The following ACAD9 variants were observed in gnomAD, a reference collection of about 807,000 sequenced individuals.
ACAD9 encodes the protein acyl-CoA dehydrogenase family member 9.
ACAD9 carries 53 observed loss-of-function variants against 70.2 expected under a neutral mutation model. The observed-to-expected ratio is 0.75, with a 90% CI of 0.61 to 0.95. ACAD9 has a LOEUF of 0.95. ACAD9 is among the 40% of genes least tolerant of loss of function. ACAD9 has a pLI of 0.00. For synonymous variants in ACAD9, 313 were observed against 312.1 expected, an observed-to-expected ratio of 1.00 and a Z score of -0.03; for missense variants, 777 against 802.8, an observed-to-expected ratio of 0.97 and a Z score of 0.39.
chr3:128,897,512 C>T (rs1935600687), intron 5 of ACAD9, 120 bp from the exon 6 acceptor site: 1 of 841,614 alleles, frequency 1.2e-6, no homozygotes, highest in Non-Finnish European at 2.0e-6. Context: ...GTTATCTGAC[C>T]CTTCATTTTA....
chr3:128,881,324 C>G (rs148488995), intron 1 of ACAD9, among the ~76,000 whole-genome samples: 1 of 152,342 alleles, frequency 6.6e-6, no homozygotes, highest in East Asian at 1.9e-4. Flanking sequence ...ACCTGCCCTG[C>G]CCTGCCTTTA....
chr3:128,887,345 C>T (rs1273884337), intron 2 of ACAD9, among the ~76,000 whole-genome samples: 1 of 152,114 alleles, frequency 6.6e-6, no homozygotes, highest in East Asian at 1.9e-4. Flanking sequence ...GTGGCTCACA[C>T]TGGTAATCTT....
Position 128,904,366 on chromosome 3 carries a change from G to A in ACAD9, c.1030-20G>A. ...TCAGCACATGCAAATTGTTTCTTGT[G>A]TTTTTTCTGAACACTCCAGGAGAAA... On this transcript the variant is annotated intron_variant, in intron 10 of 17. Transcript: ENST00000308982. 6.2e-7 allele frequency: 1 copy of A among 1,614,200 alleles called. No individual in the cohort carries two copies. The highest frequency in any genetic ancestry group is 8.5e-7 in the Non-Finnish European group (1 of 1,180,054).
At chr3:128,905,073 T>TG (rs753702622) in intron 11 of ACAD9, among the ~76,000 whole-genome samples, 21 of 150,892 alleles carry the variant, frequency 1.4e-4, no homozygotes, top group Non-Finnish European at 2.7e-4. Flanking sequence ...TTGAACCCGG[T>TG]GGGGGCGGAG....
chr3:128,906,296 C>T (rs1935889363), intron 12 of ACAD9, 47 bp downstream of exon 12: 2 of 1,611,062 alleles, frequency 1.2e-6, no homozygotes, highest in Non-Finnish European at 1.7e-6. Context: ...CCCCACCCTG[C>T]CTGGTCCTAA....
intron 7 of ACAD9, 72 bp downstream of exon 7, chr3:128,899,533 T>G: frequency 3.3e-6 from 4 of 1,199,324 alleles, no homozygotes; most frequent in Non-Finnish European, 4.7e-6. Flanking sequence ...GGTGTGTGTG[T>G]GTGTGTGTGT....
chr3:128,896,651 T>C, intron 5 of ACAD9, 115 bp downstream of exon 5: 1 of 1,010,850 alleles, frequency 9.9e-7, no homozygotes, highest in Non-Finnish European at 1.5e-6. Context: ...TTCCAAAATC[T>C]TGCAAAGAAT....
intron 12 of ACAD9, 126 bp from the exon 13 acceptor site, chr3:128,908,059 C>T (rs1935949169): frequency 1.1e-6 from 1 of 900,150 alleles, no homozygotes; most frequent in African/African-American, 1.6e-5. Context: ...CTCCCAGCTA[C>T]TTCAGGAGCA....
At chr3:128,880,230 G>T in intron 1 of ACAD9, 1 of 373,626 alleles carries the variant, frequency 2.7e-6, no homozygotes, top group Non-Finnish European at 5.0e-6. Flanking sequence ...AGCGCCCTGG[G>T]GCTTCCTTCC....
intron 6 of ACAD9, chr3:128,898,502 C>T (rs757279035): frequency 9.8e-6 from 4 of 408,146 alleles, no homozygotes; most frequent in Non-Finnish European, 1.9e-5. Context: ...ACTTCCTGGG[C>T]TCAGGTGATT....
rs777159838 is a variant in ACAD9, at chr3:128,904,551, G to A, written c.1149+46G>A. On this transcript the variant is annotated intron_variant, in intron 11 of 17. Coordinates refer to ENST00000308982, the MANE Select transcript of ACAD9 (RefSeq NM_014049.5). ...GAGCTGGCGCTGGAGGGAGGCTTGG[G>A]AAATCTCCCTCACTGTGACCTTTCA... 15 of 1,599,292 alleles carry A rather than the reference G, an allele frequency of 9.4e-6. No homozygotes were observed. The East Asian group carries it at 3.2e-4, about 34-fold the overall frequency.
At chr3:128,900,700 G>GTCAGCTC (rs1559826321) in intron 7 of ACAD9, among the ~76,000 whole-genome samples, 5 of 152,086 alleles carry the variant, frequency 3.3e-5, no homozygotes, top group Non-Finnish European at 4.4e-5. Context: ...TTCATGTTGG[G>GTCAGCTC]TCAGCTCTTT....
At chr3:128,881,346 C>T (rs1238468982) in intron 1 of ACAD9, among the ~76,000 whole-genome samples, 2 of 152,222 alleles carry the variant, frequency 1.3e-5, no homozygotes, top group African/African-American at 4.8e-5. Flanking sequence ...TCTCAGCTGT[C>T]AGCTTTGCTT....
At chr3:128,881,482 C>G (rs755812989) in intron 1 of ACAD9, among the ~76,000 whole-genome samples, 6 of 152,232 alleles carry the variant, frequency 3.9e-5, no homozygotes, top group Non-Finnish European at 5.9e-5. Context: ...CCTGGCAAAA[C>G]CAACCTCTCA....
At chr3:128,894,290 C>T (rs1181787783) in intron 3 of ACAD9, among the ~76,000 whole-genome samples, 3 of 152,122 alleles carry the variant, frequency 2.0e-5, no homozygotes, top group African/African-American at 7.2e-5. Flanking sequence ...TGTTACAGTG[C>T]CACAGTGGAA....
At chr3:128,884,116 G>A (rs1935175996) in intron 1 of ACAD9, among the ~76,000 whole-genome samples, 1 of 152,234 alleles carries the variant, frequency 6.6e-6, no homozygotes, top group Non-Finnish European at 1.5e-5. Flanking sequence ...TAAGCATGAT[G>A]TGCTCTTGTC....
chr3:128,879,844 A>G lies in ACAD9; in HGVS notation c.150+3A>G. Reference sequence around the variant, plus strand: ...TTTTCCTAGGCAAAATCAAGAAGGTAACGCGAGCCCTGGGCGAACCCTTGC... The same window carrying G: ...TTTTCCTAGGCAAAATCAAGAAGGTGACGCGAGCCCTGGGCGAACCCTTGC... On this transcript the variant is annotated splice_donor_region_variant and intron_variant, in intron 1 of 17. Transcript: ENST00000308982. The G allele has an allele frequency of 6.2e-7, 1 of 1,614,032 alleles. No individual in the cohort carries two copies. Among genetic ancestry groups the G allele is most frequent in the Non-Finnish European group, 8.5e-7 (1 of 1,180,012 alleles).
chr3:128,898,418 TC>T (rs1472339672), intron 6 of ACAD9: 1 of 447,250 alleles, frequency 2.2e-6, no homozygotes, highest in South Asian at 1.6e-5. Flanking sequence ...ATTTCTCTTT[TC>T]TTTTGAGACA....
chr3:128,903,952 C>T (rs536326679), intron 9 of ACAD9, 110 bp from the exon 10 acceptor site: 9 of 1,168,866 alleles, frequency 7.7e-6, no homozygotes, highest in East Asian at 5.0e-5. Context: ...TCAGCAGACA[C>T]GCTTCTCACA....
Sources: gnomAD v4.1 joint callset for allele counts (sites outside exome capture counted in the v4.1 genomes callset) on GRCh38, gnomAD v4.1.1 for gene constraint, MANE v1.5 for transcripts, NCBI Gene and HGNC (gene_info 2026-07-23, HGNC 2026-07-21) for gene names.